The following ANKRD30B variants were observed in gnomAD, a reference collection of about 807,000 sequenced individuals.
ANKRD30B encodes the protein ankyrin repeat domain-containing protein 30B.
A neutral mutation model predicts 202.2 loss-of-function variants in ANKRD30B; 144 were observed. The ratio of observed to expected loss-of-function variants is 0.71; its 90% CI spans 0.62 to 0.82. The LOEUF is 0.82. Ranked by LOEUF, ANKRD30B falls within the 40% of genes least tolerant of loss-of-function variation. ANKRD30B has a pLI of 0.00. For synonymous variants in ANKRD30B, 508 were observed against 561.3 expected, an observed-to-expected ratio of 0.91 and a Z score of 1.34; for missense variants, 1,487 against 1,669.1, an observed-to-expected ratio of 0.89 and a Z score of 1.90.
the ANKRD30B span, among the ~76,000 whole-genome samples, chr18:14,923,053 A>C: frequency 6.6e-6 from 1 of 152,230 alleles, no homozygotes; most frequent in South Asian, 2.1e-4. Context: ...CAGTCTTGGC[A>C]GGATTCATCA....
At chr18:14,931,053 A>G in the ANKRD30B span, among the ~76,000 whole-genome samples, 10 of 152,176 alleles carry the variant, frequency 6.6e-5, no homozygotes, top group Non-Finnish European at 1.0e-4. Context: ...GCATTCCTGG[A>G]GATTCCGTGA....
the ANKRD30B span, among the ~76,000 whole-genome samples, chr18:14,908,790 A>T: frequency 6.6e-6 from 1 of 152,292 alleles, no homozygotes; most frequent in South Asian, 2.1e-4. Flanking sequence ...AGGCCTCGGG[A>T]CACAGCAGCT....
chr18:14,822,757 A>C, intron 32 of ANKRD30B, 80 bp downstream of exon 32: 1 of 1,310,348 alleles, frequency 7.6e-7, no homozygotes, highest in South Asian at 1.5e-5. Flanking sequence ...TTTATTCCCA[A>C]TGTTGTTTTC....
At chr18:14,781,104 A>T (rs189231994) in intron 11 of ANKRD30B, among the ~76,000 whole-genome samples, 32 of 152,382 alleles carry the variant, frequency 2.1e-4, no homozygotes, top group Non-Finnish European at 1.5e-5. Flanking sequence ...ATAGACCAAA[A>T]AAAAGACTTT....
chr18:14,912,496 A>T, the ANKRD30B span, among the ~76,000 whole-genome samples: 11 of 151,992 alleles, frequency 7.2e-5, no homozygotes, highest in Non-Finnish European at 5.9e-5. Context: ...TATCTTTTTG[A>T]TGTGCTCTTG....
chr18:14,794,499 C>T (rs1355049215), intron 16 of ANKRD30B, among the ~76,000 whole-genome samples: 1 of 151,766 alleles, frequency 6.6e-6, no homozygotes, highest in East Asian at 1.9e-4. Context: ...TGAGGATGTA[C>T]ATTTATCATA....
chr18:14,895,556 CA>C, the ANKRD30B span, among the ~76,000 whole-genome samples: 1 of 152,250 alleles, frequency 6.6e-6, no homozygotes, highest in East Asian at 1.9e-4. Flanking sequence ...CTTATGTCCA[CA>C]CAAAAACCTG....
At chr18:14,844,009 G>T (rs944349268) in intron 39 of ANKRD30B, among the ~76,000 whole-genome samples, 8 of 152,056 alleles carry the variant, frequency 5.3e-5, no homozygotes, top group Non-Finnish European at 1.0e-4. Context: ...ATAATATGTA[G>T]AATTTGTTTT....
chr18:14,821,164 G>A (rs1379174316), intron 30 of ANKRD30B, among the ~76,000 whole-genome samples: 1 of 152,154 alleles, frequency 6.6e-6, no homozygotes, highest in Non-Finnish European at 1.5e-5. Context: ...GGTGTTTGTA[G>A]TATTCTCTGA....
At chr18:14,845,452 C>G (rs1289427409) in intron 39 of ANKRD30B, among the ~76,000 whole-genome samples, 1 of 151,814 alleles carries the variant, frequency 6.6e-6, no homozygotes, top group Non-Finnish European at 1.5e-5. Flanking sequence ...TGTTTATTCA[C>G]ATAAATTTTA....
At chr18:14,914,644 T>C in the ANKRD30B span, among the ~76,000 whole-genome samples, 79,833 of 152,026 alleles carry the variant, frequency 0.53, 21,292 homozygotes, top group African/African-American at 0.6. Flanking sequence ...AATTGAATTA[T>C]GGGGTGAGGG....
chr18:14,831,174 C>T (rs368967022), intron 33 of ANKRD30B, among the ~76,000 whole-genome samples: 5 of 30,672 alleles, frequency 1.6e-4, no homozygotes, highest in South Asian at 8.0e-4. Flanking sequence ...AGCGAGACTC[C>T]GTCTCGGAAA....
chr18:14,843,298 C>T (rs1440851035), intron 39 of ANKRD30B, among the ~76,000 whole-genome samples: 2 of 152,094 alleles, frequency 1.3e-5, no homozygotes, highest in Non-Finnish European at 2.9e-5. Flanking sequence ...GCTTTAATTT[C>T]AGGTGTTTCC....
downstream of ANKRD30B, among the ~76,000 whole-genome samples, chr18:14,855,850 C>A (rs1972084755): frequency 6.8e-6 from 1 of 147,154 alleles, no homozygotes; most frequent in Non-Finnish European, 1.5e-5. Context: ...CCTCACCTCC[C>A]AGACGTCGCG....
At position 14,782,632 on chromosome 18, in the gene ANKRD30B, T is replaced by C; in HGVS notation, c.1570+18T>C. 6.7e-7 allele frequency: 1 copy of C among 1,501,742 alleles called. No individual in the cohort carries two copies. The highest frequency in any genetic ancestry group is 9.0e-7 in the Non-Finnish European group (1 of 1,109,368). 93.0% of individuals were successfully genotyped at this position (1,501,742 alleles called of 1,614,324 possible). A position where few individuals can be genotyped will look rare whatever the true frequency, so the allele number is the denominator to read the frequency against. ...AGTAGAAGGTAAGAACAACTTTTTA[T>C]TTGAAAAGTCTTTTAACCATATGTT... On this transcript the variant is annotated intron_variant, in intron 12 of 43. Transcript: ENST00000690538.
chr18:14,883,552 G>A, the ANKRD30B span: 2 of 149,366 alleles, frequency 1.3e-5, no homozygotes, highest in East Asian at 2.0e-4. Context: ...ATTCTCAGAC[G>A]GTCTTGGGTA....
At chr18:14,796,530 G>T (rs1598634157) in intron 18 of ANKRD30B, 115 bp downstream of exon 18, 26 of 1,270,724 alleles carry the variant, frequency 2.0e-5, no homozygotes, top group Non-Finnish European at 2.7e-5. Context: ...GGGAAAATTT[G>T]AAACAAATAA....
chr18:14,772,842 C>T (rs1470803090), intron 9 of ANKRD30B, among the ~76,000 whole-genome samples: 2 of 151,210 alleles, frequency 1.3e-5, no homozygotes, highest in East Asian at 3.9e-4. Flanking sequence ...TTTATTTGGG[C>T]ATGGTGGTGC....
intron 16 of ANKRD30B, among the ~76,000 whole-genome samples, chr18:14,792,594 C>T (rs114112854): frequency 0.018 from 2,773 of 151,870 alleles, 91 homozygotes; most frequent in African/African-American, 0.064. Context: ...GAATTCACTT[C>T]GGAAGCATTT....
Sources: allele counts gnomAD v4.1 joint callset (sites outside exome capture counted in the v4.1 genomes callset), GRCh38; gene constraint gnomAD v4.1.1; transcripts MANE v1.5; gene names NCBI Gene and HGNC (gene_info 2026-07-23, HGNC 2026-07-21).